Variants in UNC5A observed in about 807,000 individuals in gnomAD.
UNC5A encodes netrin receptor UNC5A.
In UNC5A, 20 loss-of-function variants were observed where a neutral mutation model predicts 87.4. That is an observed-to-expected ratio of 0.23 (90% CI 0.16 to 0.33). The LOEUF (loss-of-function observed/expected upper bound fraction) is 0.33. UNC5A is among the 10% of genes least tolerant of loss of function. The pLI is 1.00. For missense variants in UNC5A, 844 were observed against 1,133.4 expected (o/e 0.74, Z 3.67); for synonymous variants, 438 against 482.3 (o/e 0.91, Z 1.20).
chr5:176,878,648 G>T lies in UNC5A; in HGVS notation c.2184+9G>T. 1 of 1,608,164 alleles carries T rather than the reference G, an allele frequency of 6.2e-7. No individual in the cohort carries two copies. Among genetic ancestry groups the T allele is most frequent in the Non-Finnish European group, 8.5e-7 (1 of 1,176,658 alleles). ...ACTTCAACATCACCAAGGTGGACGG[G>T]AGGGGCTGCCGCACCGCCGTGACGT... is the stretch of plus-strand genomic sequence containing the variant. On this transcript the variant is annotated intron_variant, in intron 13 of 14. Transcript: ENST00000329542.
At position 176,877,381 on chromosome 5, in the gene UNC5A, C is replaced by T. The variant is rs1355935994; in HGVS notation, c.1466+102C>T. 20 of 1,363,650 alleles carry T rather than the reference C, an allele frequency of 1.5e-5. No individual in the cohort carries two copies. In the South Asian group the frequency reaches 1.6e-4, roughly 11 times the overall value. 84.5% of individuals were successfully genotyped at this position (1,363,650 alleles called of 1,614,324 possible). On this transcript the variant is annotated intron_variant, in intron 9 of 14. Coordinates refer to ENST00000329542, the MANE Select transcript of UNC5A (RefSeq NM_133369.3). ...ACCCACTGTTGTGCCTGGCCCGAGG[C>T]GGCGGGGGAAAGAGCTATGCCTAAG...
chr5:176,865,027 G>A lies in UNC5A; in HGVS notation c.292+2182G>A. The A allele has an allele frequency of 2.8e-6, 1 of 353,342 alleles. No homozygotes were observed. Among genetic ancestry groups the A allele is most frequent in the Non-Finnish European group, 5.6e-6 (1 of 178,528 alleles). The allele number at this position is 353,342 out of a possible 1,614,324, so 21.9% of individuals were successfully genotyped here. ...GGCTCAGTTTCTTCATCTGTAAAAT[G>A]GGGGTGAGGAGACCTCCCCTCCATC... On this transcript the variant is annotated intron_variant, in intron 2 of 14. Coordinates refer to ENST00000329542, the MANE Select transcript of UNC5A (RefSeq NM_133369.3). This position sits in a 1 kb window ranked among gnomAD's most constrained non-coding sequence, Gnocchi z 5.3.
Position 176,823,148 on chromosome 5 carries a change from G to T in UNC5A, c.70+12328G>T, listed in dbSNP as rs187456821. Among the ~76,000 whole-genome samples, 803 of 148,638 alleles carry T rather than the reference G, an allele frequency of 5.4e-3. 6 individuals are homozygous for T. Among genetic ancestry groups the T allele is most frequent in the Non-Finnish European group, 8.5e-3 (571 of 67,176 alleles). ...TGGATGTGGGAGACGCTGCAAAGGG[G>T]GAGATGTTGCATCTGGATGCTGCAT... On this transcript the variant is annotated intron_variant, in intron 1 of 14. Coordinates refer to ENST00000329542, the MANE Select transcript of UNC5A (RefSeq NM_133369.3).
chr5:176,879,675 G>A (rs2292257), intron 14 of UNC5A, 46 bp from the exon 15 acceptor site: 1,217,284 of 1,600,052 alleles, frequency 0.76, 475,304 homozygotes, highest in Non-Finnish European at 0.81. Context: ...AGGAGGTGTC[G>A]GCTGGGGCCA....
At chr5:176,850,434 G>T (rs183189747) in intron 1 of UNC5A, among the ~76,000 whole-genome samples, 1 of 152,078 alleles carries the variant, frequency 6.6e-6, no homozygotes. Context: ...GGGGCCGGGG[G>T]TGGAGGCTGG....
intron 14 of UNC5A, 40 bp downstream of exon 14, chr5:176,879,528 C>T (rs531237747): frequency 1.8e-5 from 28 of 1,571,414 alleles, no homozygotes; most frequent in South Asian, 7.2e-5. Flanking sequence ...CGCAGGCCAC[C>T]GACAGTCCTG....
At chr5:176,872,887 C>T (rs1292535029) in intron 6 of UNC5A, among the ~76,000 whole-genome samples, 12 of 110,242 alleles carry the variant, frequency 1.1e-4, no homozygotes, top group East Asian at 2.9e-4. Flanking sequence ...CTGCCCACAC[C>T]TGCCCCAACA....
chr5:176,830,855 CGTGT>C (rs1175218149), intron 1 of UNC5A, among the ~76,000 whole-genome samples: 3 of 114,946 alleles, frequency 2.6e-5, no homozygotes. Flanking sequence ...TGTGTGCTGG[CGTGT>C]GTGTGTGCGC....
intron 1 of UNC5A, among the ~76,000 whole-genome samples, chr5:176,842,060 G>A (rs963771802): frequency 2.6e-5 from 4 of 152,232 alleles, no homozygotes; most frequent in Non-Finnish European, 4.4e-5. Context: ...AGCCGGGCGC[G>A]GTGGCGGGTG....
rs371476595 is a variant in UNC5A, at chr5:176,868,303, G to A, written c.436+30G>A. The A allele has an allele frequency of 9.9e-6, 16 of 1,610,762 alleles. No homozygotes were observed. The African/African-American group carries it at 1.7e-4, about 18-fold the overall frequency. Reference sequence around the variant, plus strand: ...GTCTAGGGCTGGGCCCTGGGGGAGGGCGCACGGCGGGAGGGTGTCACCAGG... The same window carrying A: ...GTCTAGGGCTGGGCCCTGGGGGAGGACGCACGGCGGGAGGGTGTCACCAGG... On this transcript the variant is annotated intron_variant, in intron 3 of 14. Transcript: ENST00000329542.
At position 176,810,701 on chromosome 5, in the gene UNC5A, C is replaced by G. The variant is rs1756427263; in HGVS notation, c.-50C>G. 1.2e-6 allele frequency: 1 copy of G among 801,776 alleles called. No individual in the cohort carries two copies. Among genetic ancestry groups the G allele is most frequent in the Non-Finnish European group, 1.5e-6 (1 of 655,218 alleles). 49.7% of individuals were successfully genotyped at this position (801,776 alleles called of 1,614,324 possible). On this transcript the variant is annotated 5_prime_UTR_variant, in exon 1 of 15. Transcript: ENST00000329542. This position sits in a 1 kb window ranked among gnomAD's most constrained non-coding sequence, Gnocchi z 7.3. ...CGGGCTGAGGCGCTAAAGCCGCCCT[C>G]CCGCCCGCGGGGCCCCGCGCCCGGC...
chr5:176,873,787 G>C lies in UNC5A; in HGVS notation c.887-181G>C, dbSNP rs535702142. Among the ~76,000 whole-genome samples the C allele has an allele frequency of 1.3e-4, 20 of 152,302 alleles. No individual in the cohort carries two copies. The South Asian group carries it at 4.1e-3, about 32-fold the overall frequency. Reference sequence around the variant, plus strand: ...CTCAGAGTCACACAGCACAGTAATGGCAAATACAGGGCTGGGATGCACACG... The same window carrying C: ...CTCAGAGTCACACAGCACAGTAATGCCAAATACAGGGCTGGGATGCACACG... On this transcript the variant is annotated intron_variant, in intron 6 of 14. Coordinates refer to ENST00000329542, the MANE Select transcript of UNC5A (RefSeq NM_133369.3).
intron 1 of UNC5A, among the ~76,000 whole-genome samples, chr5:176,834,158 A>G (rs577227706): frequency 5.9e-4 from 90 of 152,284 alleles, no homozygotes; most frequent in African/African-American, 1.9e-3. Flanking sequence ...ACTCCAGTGG[A>G]GGGGATGCAG....
intron 1 of UNC5A, among the ~76,000 whole-genome samples, chr5:176,845,248 C>T (rs992668801): frequency 3.9e-5 from 6 of 152,202 alleles, no homozygotes; most frequent in African/African-American, 7.2e-5. Context: ...ACAGAGCCCT[C>T]GCTCCAGAGC....
intron 1 of UNC5A, among the ~76,000 whole-genome samples, chr5:176,811,212 G>C (rs1756443821): frequency 6.6e-6 from 1 of 152,196 alleles, no homozygotes. Context: ...GAAATGGGGG[G>C]TGCGGGGAAC....
At chr5:176,814,161 G>A (rs533197440) in intron 1 of UNC5A, among the ~76,000 whole-genome samples, 3 of 152,078 alleles carry the variant, frequency 2.0e-5, no homozygotes, top group Admixed American at 1.3e-4. Context: ...CATCCCCCTC[G>A]GGCCTCCTCC....
chr5:176,857,107 T>C (rs1757686217), intron 1 of UNC5A, among the ~76,000 whole-genome samples: 1 of 152,252 alleles, frequency 6.6e-6, no homozygotes, highest in Admixed American at 6.5e-5. Context: ...GAGAGCCCTC[T>C]CACCCGCCCC....
In UNC5A at chr5:176,874,265, C is replaced by A; in HGVS notation, c.1077C>A (p.Asp359Glu). The A allele has an allele frequency of 1.3e-6, 2 of 1,583,374 alleles. No individual in the cohort carries two copies. The highest frequency in any genetic ancestry group is 8.6e-7 in the Non-Finnish European group (1 of 1,163,130). ...CCTGAGTCTGTCTTTATCCTGCAGACAACCCCCATCTGCTCACCATCCAGC... is the reference window on the plus strand; with the variant it reads ...CCTGAGTCTGTCTTTATCCTGCAGAAAACCCCCATCTGCTCACCATCCAGC... ...QPVSIKPSKA[D>E]NPHLLTIQPD... Residue 359 changes from aspartate (D) to glutamate (E), a missense_variant and splice_region_variant, in exon 8 of 15, where the codon GAC (aspartate) becomes GAA (glutamate). Physicochemically the swap from Asp to Glu is conservative, Grantham distance 45. This residue lies in a region of UNC5A where 353 missense variants were observed against 387.5 expected (regional missense o/e 0.91). Coordinates refer to ENST00000329542, the MANE Select transcript of UNC5A (RefSeq NM_133369.3). The surrounding 1 kb of genome is among the most constrained non-coding windows in gnomAD (Gnocchi z 7.6).
intron 1 of UNC5A, among the ~76,000 whole-genome samples, chr5:176,845,163 C>G (rs1176799504): frequency 1.3e-5 from 2 of 152,168 alleles, no homozygotes; most frequent in Non-Finnish European, 2.9e-5. Flanking sequence ...CATAGCCGTT[C>G]CCCCTCTCCA....
Sources: gnomAD v4.1 joint callset for allele counts (sites outside exome capture counted in the v4.1 genomes callset) on GRCh38, gnomAD v4.1.1 for gene constraint, gnomAD v4.1.1 regional missense constraint, Gnocchi (gnomAD v3.1) non-coding constraint, MANE v1.5 for transcripts, NCBI Gene and HGNC (gene_info 2026-07-23, HGNC 2026-07-21) for gene names.